MAP1S: variants seen among roughly 807,000 people sequenced by gnomAD.
The protein encoded by MAP1S is microtubule associated protein 1S.
Under a neutral mutation model 60.9 loss-of-function variants are expected in MAP1S, and 27 were observed. That is an observed-to-expected ratio of 0.44 (90% CI 0.33 to 0.61). MAP1S has a LOEUF of 0.61. Ranked by LOEUF, MAP1S falls within the 20% of genes least tolerant of loss-of-function variation. The pLI is 0.03. For missense variants in MAP1S, 1,608 were observed against 1,486.6 expected (o/e 1.08, Z -1.34); for synonymous variants, 826 against 694.2 (o/e 1.19, Z -2.98).
rs1167344922 is a variant in MAP1S, at chr19:17,725,961, C to G, written c.577C>G (p.Leu193Val). The change falls in exon 5 of 7, where the codon CTG becomes GTG. Residue 193 changes from leucine to valine, a missense_variant. Leu to Val is a conservative substitution (Grantham distance 32, BLOSUM62 1). This residue lies in a region of MAP1S where 320 missense variants were observed against 393.1 expected (regional missense o/e 0.81). Coordinates refer to ENST00000324096, the MANE Select transcript of MAP1S (RefSeq NM_018174.6). This position sits in a 1 kb window ranked among gnomAD's most constrained non-coding sequence, Gnocchi z 4.2. ...PGLQGALRLQ[L>V]RLNPPAQLPN... ...CCTTCAGGGGGCGCTCCGGCTCCAGCTGCGGCTGAACCCCCCGGCGCAGCT... is the reference window on the plus strand; with the variant it reads ...CCTTCAGGGGGCGCTCCGGCTCCAGGTGCGGCTGAACCCCCCGGCGCAGCT... 1.2e-6 allele frequency: 2 copies of G among 1,612,656 alleles called. No homozygotes were observed. The highest frequency in any genetic ancestry group is 1.7e-6 in the Non-Finnish European group (2 of 1,179,534).
chr19:17,729,984 T>G (rs1044678068), intron 5 of MAP1S, among the ~76,000 whole-genome samples: 4 of 152,028 alleles, frequency 2.6e-5, no homozygotes, highest in Non-Finnish European at 5.9e-5. Flanking sequence ...TTTTAAAATT[T>G]TTCAGTAGCA....
At chr19:17,729,789 A>G (rs1045967265) in intron 5 of MAP1S, among the ~76,000 whole-genome samples, 1 of 152,060 alleles carries the variant, frequency 6.6e-6, no homozygotes, top group African/African-American at 2.4e-5. Flanking sequence ...CAGCCTCCCA[A>G]GTAGCTGAGA....
Position 17,719,543 on chromosome 19 carries a change from G to C in MAP1S, c.41G>C (p.Ser14Thr). ...VAGSGAAAAP[S>T]SLLLVVGSEF... is the part of the protein sequence containing the mutation. Reference sequence around the variant, plus strand: ...GGATCTGGGGCTGCCGCGGCTCCGAGCTCACTGCTCCTCGTGGTGGGCAGC... The same window carrying C: ...GGATCTGGGGCTGCCGCGGCTCCGACCTCACTGCTCCTCGTGGTGGGCAGC... Residue 14 changes from serine (S) to threonine (T), a missense_variant, in exon 1 of 7, where the codon AGC (serine) becomes ACC (threonine). Physicochemically the swap from Ser to Thr is moderately conservative, Grantham distance 58 (BLOSUM62 1). This residue lies in a region of MAP1S where 45 missense variants were observed against 22.0 expected (regional missense o/e 2.04). Transcript: ENST00000324096. 8 of 1,246,260 alleles carry C rather than the reference G, an allele frequency of 6.4e-6. No individual in the cohort carries two copies. Among genetic ancestry groups the C allele is most frequent in the Non-Finnish European group, 7.1e-6 (7 of 987,610 alleles). The allele number at this position is 1,246,260 out of a possible 1,614,324, so 77.2% of individuals were successfully genotyped here. A position where few individuals can be genotyped will look rare whatever the true frequency, so the allele number is the denominator to read the frequency against.
chr19:17,730,504 T>G (rs7258068), intron 5 of MAP1S, among the ~76,000 whole-genome samples: 1 of 151,904 alleles, frequency 6.6e-6, no homozygotes, highest in African/African-American at 2.4e-5. Flanking sequence ...TTTGTAGAGA[T>G]GGAGTCTCAC....
rs1403778485 is a variant in MAP1S at position 17,727,442 on chromosome 19, G to A, written c.2058G>A (p.Val686=). Reference sequence around the variant, plus strand: ...CCACGCCCTCACTACCCGCAGAGGTGGGCTCCCCGCACTCGACCGAGGTGG... The same window carrying A: ...CCACGCCCTCACTACCCGCAGAGGTAGGCTCCCCGCACTCGACCGAGGTGG... The part of the protein sequence containing the change: ...TVTTPSLPAE[V]GSPHSTEVDE... The change falls in exon 5 of 7, where the codon GTG becomes GTA. Residue 686 remains valine (V), a synonymous_variant. Transcript: ENST00000324096. The surrounding 1 kb of genome is among the most constrained non-coding windows in gnomAD (Gnocchi z 4.1). The A allele has an allele frequency of 1.2e-6, 2 of 1,603,468 alleles. No individual in the cohort carries two copies. The highest frequency in any genetic ancestry group is 1.1e-5 in the South Asian group (1 of 89,890).
Position 17,733,431 on chromosome 19 carries a change from G to T in MAP1S, c.3024+3G>T. The T allele has an allele frequency of 6.3e-7, 1 of 1,589,016 alleles. No individual in the cohort carries two copies. Among genetic ancestry groups the T allele is most frequent in the East Asian group, 2.3e-5 (1 of 44,292 alleles). Reference sequence around the variant, plus strand: ...AGCATTGGGACCGTGACCTGCAGGTGCGTGTCACCCCAGGGCCTCTGGTGG... The same window carrying T: ...AGCATTGGGACCGTGACCTGCAGGTTCGTGTCACCCCAGGGCCTCTGGTGG... On this transcript the variant is annotated splice_donor_region_variant and intron_variant, in intron 6 of 6. Transcript: ENST00000324096.
Position 17,725,742 on chromosome 19 carries a change from A to G in MAP1S, c.445-87A>G. The G allele has an allele frequency of 2.2e-6, 3 of 1,351,504 alleles. No individual in the cohort carries two copies. The highest frequency in any genetic ancestry group is 3.0e-6 in the Non-Finnish European group (3 of 989,468). The allele number at this position is 1,351,504 out of a possible 1,614,324, so 83.7% of individuals were successfully genotyped here. ...CCCTGAGGAGCAGGCCCTGGGGGAA[A>G]GGATGAGGGTGTCCTCGCCCAGTTT... On this transcript the variant is annotated intron_variant, in intron 4 of 6. Coordinates refer to ENST00000324096, the MANE Select transcript of MAP1S (RefSeq NM_018174.6). The surrounding 1 kb of genome is among the most constrained non-coding windows in gnomAD (Gnocchi z 4.2).
At chr19:17,729,522 C>G (rs905948812) in intron 5 of MAP1S, among the ~76,000 whole-genome samples, 2 of 151,846 alleles carry the variant, frequency 1.3e-5, no homozygotes, top group Admixed American at 1.3e-4. Flanking sequence ...TGTTTTTTTT[C>G]TGAGACAGAG....
intron 5 of MAP1S, among the ~76,000 whole-genome samples, chr19:17,732,726 C>G (rs372418035): frequency 1.3e-5 from 2 of 152,238 alleles, no homozygotes; most frequent in African/African-American, 4.8e-5. Context: ...GGTCCAGGCA[C>G]TGGCTGCTTT....
intron 6 of MAP1S, 36 bp from the exon 7 acceptor site, chr19:17,734,237 G>T: frequency 6.3e-7 from 1 of 1,586,316 alleles, no homozygotes; most frequent in Non-Finnish European, 8.6e-7. Context: ...CTCACTGGTG[G>T]TCCACTCTCC....
Position 17,727,226 on chromosome 19 carries a change from G to T in MAP1S, c.1842G>T (p.Gly614=), listed in dbSNP as rs1343506497. Residue 614 remains glycine (G), a synonymous_variant, in exon 5 of 7, where the codon GGG becomes GGT. Coordinates refer to ENST00000324096, the MANE Select transcript of MAP1S (RefSeq NM_018174.6). This position sits in a 1 kb window ranked among gnomAD's most constrained non-coding sequence, Gnocchi z 4.1. The stretch of plus-strand genomic sequence containing the variant: ...TGGCCACGCCCAGCCTGGAGCTGGG[G>T]CCGATCCCAGCCGGGGAGGAGAAGG... ...QLVATPSLEL[G]PIPAGEEKAL... 1.3e-6 allele frequency: 2 copies of T among 1,564,628 alleles called. No homozygotes were observed. The highest frequency in any genetic ancestry group is 2.3e-5 in the South Asian group (2 of 86,670).
At chr19:17,730,103 C>G (rs1445506033) in intron 5 of MAP1S, among the ~76,000 whole-genome samples, 1 of 152,040 alleles carries the variant, frequency 6.6e-6, no homozygotes, top group Non-Finnish European at 1.5e-5. Flanking sequence ...CCACCACGCC[C>G]GACTCAACGT....
chr19:17,722,344 C>T (rs2080377686), intron 2 of MAP1S, among the ~76,000 whole-genome samples: 1 of 152,256 alleles, frequency 6.6e-6, no homozygotes, highest in Non-Finnish European at 1.5e-5. Flanking sequence ...CCCAGCTACT[C>T]AGGAGCCCGA....
intron 1 of MAP1S, chr19:17,720,380 G>T: frequency 1.3e-6 from 2 of 1,534,692 alleles, no homozygotes; most frequent in Non-Finnish European, 1.7e-6. Flanking sequence ...TTGGGCAGTG[G>T]ACACAGGGAT....
chr19:17,721,330 T>G (rs1240869650), intron 2 of MAP1S: 1 of 407,848 alleles, frequency 2.5e-6, no homozygotes, highest in East Asian at 5.8e-5. Context: ...CTGCTATGAC[T>G]GGTGTGTCCA....
rs776294299 is a variant in MAP1S at position 17,725,883 on chromosome 19, A to G, written c.499A>G (p.Ile167Val). 1.1e-5 allele frequency: 17 copies of G among 1,613,566 alleles called. No individual in the cohort carries two copies. In the South Asian group the frequency reaches 1.4e-4, roughly 14 times the overall value. Residue 167 changes from isoleucine (I) to valine (V), a missense_variant, in exon 5 of 7, where the codon ATC becomes GTC. By Grantham distance (29) the Ile-to-Val change is conservative. Around this residue, in one of 4 missense-constraint regions of MAP1S, gnomAD observed 320 missense variants for 393.1 expected, o/e 0.81. Transcript: ENST00000324096. The surrounding 1 kb of genome is among the most constrained non-coding windows in gnomAD (Gnocchi z 4.2). The part of the protein sequence containing the change: ...PPPVQPPILT[I>V]TCPTFGDWAQ... ...ACCTGTGCAGCCGCCCATACTCACC[A>G]TCACCTGCCCCACCTTCGGTGACTG...
chr19:17,726,668 G>T lies in MAP1S; in HGVS notation c.1284G>T (p.Val428=). Reference sequence around the variant, plus strand: ...CCGCCGGCCCCGGCGAGAAGGTGGTGCGCGTGCTGTTCCCCGGTTGCACCC... The same window carrying T: ...CCGCCGGCCCCGGCGAGAAGGTGGTTCGCGTGCTGTTCCCCGGTTGCACCC... ...WHPAGPGEKV[V]RVLFPGCTPP... is the part of the protein sequence containing the mutation. Residue 428 remains valine, a synonymous_variant, in exon 5 of 7, where the codon GTG becomes GTT. Coordinates refer to ENST00000324096, the MANE Select transcript of MAP1S (RefSeq NM_018174.6). The T allele has an allele frequency of 6.3e-7, 1 of 1,582,624 alleles. No homozygotes were observed.
chr19:17,733,203 C>T lies in MAP1S; in HGVS notation c.2799C>T (p.Ser933=). Residue 933 remains serine (S), a synonymous_variant, in exon 6 of 7, where the codon AGC becomes AGT. Coordinates refer to ENST00000324096, the MANE Select transcript of MAP1S (RefSeq NM_018174.6). ...TCCCCCCGCCCGCAGGGTCAGCCAG[C>T]AGCCGGCCCGGGGTGTCAGCCACCC... The part of the protein sequence containing the change: ...TATRGPSGSA[S]SRPGVSATPP... 1 of 1,538,320 alleles carries T rather than the reference C, an allele frequency of 6.5e-7. No homozygotes were observed. Among genetic ancestry groups the T allele is most frequent in the Non-Finnish European group, 8.8e-7 (1 of 1,140,364 alleles).
chr19:17,728,277 G>A (rs1344613485), intron 5 of MAP1S, 105 bp downstream of exon 5: 2 of 1,222,654 alleles, frequency 1.6e-6, no homozygotes, highest in African/African-American at 1.5e-5. Context: ...AAAAGAGATG[G>A]TCTCACTCTG....
Sources: allele counts gnomAD v4.1 joint callset (sites outside exome capture counted in the v4.1 genomes callset), GRCh38; gene constraint gnomAD v4.1.1; regional missense constraint gnomAD v4.1.1; non-coding constraint Gnocchi (gnomAD v3.1); transcripts MANE v1.5; gene names NCBI Gene and HGNC (gene_info 2026-07-23, HGNC 2026-07-21).